The following PCNT variants were observed in gnomAD, a reference collection of about 807,000 sequenced individuals.
PCNT encodes pericentrin.
Under a neutral mutation model 380.4 loss-of-function variants are expected in PCNT, and 319 were observed. That is an observed-to-expected ratio of 0.84 (90% CI 0.77 to 0.92). PCNT has a LOEUF of 0.92. Ranked by LOEUF, PCNT falls within the 40% of genes least tolerant of loss-of-function variation. The pLI is 0.00. For missense variants in PCNT, 4,400 were observed against 4,255.3 expected (o/e 1.03, Z -0.95); for synonymous variants, 1,845 against 1,735.2 (o/e 1.06, Z -1.57).
chr21:46,363,967 G>C, intron 14 of PCNT, 33 bp downstream of exon 14: 1 of 1,581,866 alleles, frequency 6.3e-7, no homozygotes. Context: ...TGCAGTCCCT[G>C]TGAGGCCAGA....
intron 14 of PCNT, among the ~76,000 whole-genome samples, chr21:46,365,129 G>T (rs1013600608): frequency 6.6e-6 from 1 of 152,134 alleles, no homozygotes; most frequent in Non-Finnish European, 1.5e-5. Context: ...CTTCCATGGG[G>T]TTCTATTCAT....
At chr21:46,339,477 G>C (rs1485821630) in intron 3 of PCNT, among the ~76,000 whole-genome samples, 1 of 152,216 alleles carries the variant, frequency 6.6e-6, no homozygotes, top group Non-Finnish European at 1.5e-5. Context: ...AGGTCCCACA[G>C]TAAGCCATCT....
chr21:46,388,636 C>A lies in PCNT; in HGVS notation c.3465-106C>A. 2.1e-6 allele frequency: 3 copies of A among 1,411,196 alleles called. No individual in the cohort carries two copies. The highest frequency in any genetic ancestry group is 1.2e-5 in the South Asian group (1 of 86,324). 87.4% of individuals were successfully genotyped at this position (1,411,196 alleles called of 1,614,324 possible). ...TTCCGGCCCCGTGGGGACAGGCAGC[C>A]GTGGGCCGAGGTGTGCAAACTGGTG... On this transcript the variant is annotated intron_variant, in intron 17 of 46. Transcript: ENST00000359568. The surrounding 1 kb of genome is among the most constrained non-coding windows in gnomAD (Gnocchi z 4.2).
At chr21:46,325,877 A>G (rs1256457839) in intron 1 of PCNT, among the ~76,000 whole-genome samples, 1 of 152,220 alleles carries the variant, frequency 6.6e-6, no homozygotes, top group African/African-American at 2.4e-5. Context: ...ATCTGATTCC[A>G]TAAAGGAAGA....
chr21:46,358,206 G>C, intron 13 of PCNT, among the ~76,000 whole-genome samples: 1 of 152,268 alleles, frequency 6.6e-6, no homozygotes, highest in East Asian at 1.9e-4. Flanking sequence ...TCCCGTGCCA[G>C]AGCAGTGGAG....
In PCNT at chr21:46,368,212, A is replaced by G. The variant is rs553672322; in HGVS notation, c.3165+1073A>G. ...TGTAATCCCAGCACTTTGGGAGGCC[A>G]AGGCGGGCAGATCACAAGGTCAGGT... On this transcript the variant is annotated intron_variant, in intron 15 of 46. Coordinates refer to ENST00000359568, the MANE Select transcript of PCNT (RefSeq NM_006031.6). Among the ~76,000 whole-genome samples the G allele has an allele frequency of 2.5e-3, 383 of 152,172 alleles. 2 individuals carry two copies. Among genetic ancestry groups the G allele is most frequent in the African/African-American group, 8.6e-3 (356 of 41,526 alleles).
chr21:46,365,557 G>A (rs34709898), intron 14 of PCNT, among the ~76,000 whole-genome samples: 5,404 of 70,328 alleles, frequency 0.077, 615 homozygotes, highest in Admixed American at 0.16. Context: ...GATCACTGCC[G>A]TGGGGTTCTG....
intron 22 of PCNT, 38 bp from the exon 23 acceptor site, chr21:46,397,976 C>A (rs1231728550): frequency 1.3e-6 from 2 of 1,503,514 alleles, no homozygotes; most frequent in East Asian, 4.8e-5. Flanking sequence ...CACGCCAGCC[C>A]CGTTGGGGTG....
In PCNT at chr21:46,366,723, G is replaced by A. The variant is rs775656915; in HGVS notation, c.2749G>A (p.Ala917Thr). 4 of 1,613,676 alleles carry A rather than the reference G, an allele frequency of 2.5e-6. No individual in the cohort carries two copies. The highest frequency in any genetic ancestry group is 2.5e-6 in the Non-Finnish European group (3 of 1,180,046). Residue 917 changes from alanine to threonine, a missense_variant, in exon 15 of 47, where the codon GCG becomes ACG. Physicochemically the swap from Ala to Thr is moderately conservative, Grantham distance 58. Transcript: ENST00000359568. ...CCAGCAGCAGCTCCTGTCAGTGACG[G>A]CGGAGCTCGAGGCCAGACACCAGGC... Reference protein sequence around the residue: ...RHQQQLLSVTAELEARHQAAL... With the variant: ...RHQQQLLSVTTELEARHQAAL...
At position 46,440,501 on chromosome 21, in the gene PCNT, C is replaced by G. The variant is rs181319432; in HGVS notation, c.9393+299C>G. 2.1e-3 allele frequency among the ~76,000 whole-genome samples: 315 copies of G among 152,362 alleles called. 2 individuals carry two copies. Among genetic ancestry groups the G allele is most frequent in the African/African-American group, 6.8e-3 (283 of 41,592 alleles). ...CCCAGGGGCTTGCCGGGATTCGGCCCAAGATCTGCTGCAGTCTCCTGATGG... is the reference window on the plus strand; with the variant it reads ...CCCAGGGGCTTGCCGGGATTCGGCCGAAGATCTGCTGCAGTCTCCTGATGG... On this transcript the variant is annotated intron_variant, in intron 42 of 46. Coordinates refer to ENST00000359568, the MANE Select transcript of PCNT (RefSeq NM_006031.6).
At chr21:46,438,379 C>T (rs2053518965) in intron 41 of PCNT, 42 bp downstream of exon 41, 1 of 1,585,496 alleles carries the variant, frequency 6.3e-7, no homozygotes, top group Non-Finnish European at 8.7e-7. Context: ...CAGCCTAACC[C>T]ACCATGGTCC....
intron 13 of PCNT, among the ~76,000 whole-genome samples, chr21:46,358,831 C>T (rs1227424470): frequency 1.6e-4 from 23 of 147,224 alleles, no homozygotes; most frequent in East Asian, 4.0e-4. Flanking sequence ...GATGGAGTCT[C>T]GCTCTGTCAC....
Position 46,401,589 on chromosome 21 carries a change from G to C in PCNT, c.4830G>C (p.Leu1610Phe). 6.2e-7 allele frequency: 1 copy of C among 1,614,006 alleles called. No homozygotes were observed. The highest frequency in any genetic ancestry group is 2.2e-5 in the East Asian group (1 of 44,874). ...EVLKKQQMSS[L>F]LLASTLQSTL... is the part of the protein sequence containing the mutation. ...TAAAGAAACAGCAGATGAGTAGCTTGCTTCTGGCGTCCACGTTGCAGTCTA... is the reference window on the plus strand; with the variant it reads ...TAAAGAAACAGCAGATGAGTAGCTTCCTTCTGGCGTCCACGTTGCAGTCTA... Residue 1610 changes from leucine (L) to phenylalanine (F), a missense_variant, in exon 26 of 47, where the codon TTG becomes TTC. By Grantham distance (22) the Leu-to-Phe change is conservative. Transcript: ENST00000359568.
chr21:46,331,242 G>C (rs1260695221), intron 2 of PCNT, among the ~76,000 whole-genome samples: 1 of 151,882 alleles, frequency 6.6e-6, no homozygotes, highest in Non-Finnish European at 1.5e-5. Context: ...CTTCAGCCTT[G>C]ACCTCCCTGA....
intron 44 of PCNT, chr21:46,443,148 G>C (rs1272638707): frequency 6.1e-6 from 1 of 164,344 alleles, no homozygotes; most frequent in African/African-American, 2.4e-5. Context: ...GTGGGGCTTA[G>C]GCTGCCTGAA....
At chr21:46,371,214 CT>C (rs924903931) in intron 15 of PCNT, among the ~76,000 whole-genome samples, 260 of 136,810 alleles carry the variant, frequency 1.9e-3, no homozygotes, top group East Asian at 5.7e-3. Context: ...TTCTTTCTTT[CT>C]TTTTTTTTTT....
chr21:46,445,379 G>T lies in PCNT; in HGVS notation c.*52G>T, dbSNP rs1229953285. On this transcript the variant is annotated 3_prime_UTR_variant, in exon 47 of 47. Coordinates refer to ENST00000359568, the MANE Select transcript of PCNT (RefSeq NM_006031.6). ...ACAATTCTATTTGAGGAAAAGATTT[G>T]TTTTTCCCTTTTCCCAAGGAAGCTC... 4 of 1,435,298 alleles carry T rather than the reference G, an allele frequency of 2.8e-6. No individual in the cohort carries two copies. The African/African-American group carries it at 5.6e-5, about 20-fold the overall frequency. 88.9% of individuals were successfully genotyped at this position (1,435,298 alleles called of 1,614,324 possible). A position where few individuals can be genotyped will look rare whatever the true frequency, so the allele number is the denominator to read the frequency against.
chr21:46,372,225 T>C (rs1206907402), intron 15 of PCNT, among the ~76,000 whole-genome samples: 1 of 147,330 alleles, frequency 6.8e-6, no homozygotes, highest in Non-Finnish European at 1.5e-5. Context: ...ACAGCACATG[T>C]GCACACACAG....
rs139747965 is a variant in PCNT, at chr21:46,357,545, G to A, written c.2154+354G>A. On this transcript the variant is annotated intron_variant, in intron 13 of 46. Transcript: ENST00000359568. ...CAACCTCTGCTTCCTGATTTCAAGT[G>A]GTCCCCTGATAGCTGGGATTACAAA... Among the ~76,000 whole-genome samples the A allele has an allele frequency of 2.0e-5, 3 of 152,306 alleles. No individual in the cohort carries two copies. The East Asian group carries it at 5.8e-4, about 29-fold the overall frequency.
Sources: gnomAD v4.1 joint callset for allele counts (sites outside exome capture counted in the v4.1 genomes callset) on GRCh38, gnomAD v4.1.1 for gene constraint, Gnocchi (gnomAD v3.1) non-coding constraint, MANE v1.5 for transcripts, NCBI Gene and HGNC (gene_info 2026-07-23, HGNC 2026-07-21) for gene names.